Variants in CACNB1 observed in about 807,000 individuals in gnomAD.
CACNB1 encodes the protein calcium voltage-gated channel auxiliary subunit beta 1, also known as voltage-dependent L-type calcium channel subunit beta-1.
A neutral mutation model predicts 71.6 loss-of-function variants in CACNB1; 29 were observed. The observed-to-expected ratio is 0.40, with a 90% CI of 0.30 to 0.55. The LOEUF (loss-of-function observed/expected upper bound fraction) is 0.55, where lower values mean the gene tolerates loss of function less well. Among genes scored for constraint, CACNB1 ranks in the 20% least tolerant of loss-of-function variants. The pLI is 0.38. For missense variants in CACNB1, 623 were observed against 801.8 expected, an observed-to-expected ratio of 0.78 and a Z score of 2.69; for synonymous variants, 300 against 319.6, an observed-to-expected ratio of 0.94 and a Z score of 0.65.
At position 39,175,339 on chromosome 17, in the gene CACNB1, C is replaced by G. The variant is rs761198878; in HGVS notation, c.1651G>C (p.Glu551Gln). 2 of 1,614,186 alleles carry G rather than the reference C, an allele frequency of 1.2e-6. No homozygotes were observed. The highest frequency in any genetic ancestry group is 1.7e-6 in the Non-Finnish European group (2 of 1,180,030). ...PPARQGSWEDEEEDYEEELTD... is the reference protein window; with the variant it reads ...PPARQGSWEDQEEDYEEELTD... ...AGCTCTTCCTCATAGTCTTCTTCCT[C>G]GTCCTCCCAGGATCCCTGTCGGGCT... Residue 551 changes from glutamate to glutamine, a missense_variant, in exon 14 of 14, where the codon GAG becomes CAG. Glu to Gln is a conservative substitution (Grantham distance 29, BLOSUM62 2). Coordinates refer to ENST00000394303, the MANE Select transcript of CACNB1 (RefSeq NM_000723.5). This position sits in a 1 kb window ranked among gnomAD's most constrained non-coding sequence, Gnocchi z 4.7.
At position 39,186,777 on chromosome 17, in the gene CACNB1, T is replaced by C. The variant is rs1597705091; in HGVS notation, c.551+16A>G. The C allele has an allele frequency of 6.2e-7, 1 of 1,613,194 alleles. No homozygotes were observed. On this transcript the variant is annotated intron_variant, in intron 5 of 13. Coordinates refer to ENST00000394303, the MANE Select transcript of CACNB1 (RefSeq NM_000723.5). This position sits in a 1 kb window ranked among gnomAD's most constrained non-coding sequence, Gnocchi z 4.1. ...TGGGGTTGGCAGCATCCCCTTCCCC[T>C]GCCCCACCCAGACACCTGGAGCCGA...
At chr17:39,180,539 CA>C (rs1167071976) in intron 11 of CACNB1, among the ~76,000 whole-genome samples, 2 of 151,368 alleles carry the variant, frequency 1.3e-5, no homozygotes, top group African/African-American at 4.8e-5. Flanking sequence ...CCTGTAATAC[CA>C]GCTACTTGGG....
intron 1 of CACNB1, 51 bp downstream of exon 1, chr17:39,197,361 A>G: frequency 1.6e-6 from 2 of 1,283,576 alleles, no homozygotes; most frequent in Non-Finnish European, 1.0e-6. Context: ...CGACCTTAAC[A>G]CGGTCCGCGG....
chr17:39,182,973 C>T (rs2045815660), intron 11 of CACNB1: 1 of 983,934 alleles, frequency 1.0e-6, no homozygotes, highest in Admixed American at 6.2e-5. Context: ...TCCTCCACCT[C>T]AACTCTTCCT....
rs977309021 is a variant in CACNB1, at chr17:39,174,681, G to C, written c.*512C>G. The C allele has an allele frequency of 6.4e-6, 1 of 155,308 alleles. No homozygotes were observed. Among genetic ancestry groups the C allele is most frequent in the East Asian group, 1.9e-4 (1 of 5,284 alleles). The allele number at this position is 155,308 out of a possible 1,614,324, so 9.6% of individuals were successfully genotyped here. On this transcript the variant is annotated 3_prime_UTR_variant, in exon 14 of 14. Transcript: ENST00000394303. ...ATGCTATGGCTTTCACCGACCAGACGATGCTGCCAGGAAGCTGGGAGGAAG... is the reference window on the plus strand; with the variant it reads ...ATGCTATGGCTTTCACCGACCAGACCATGCTGCCAGGAAGCTGGGAGGAAG...
intron 3 of CACNB1, among the ~76,000 whole-genome samples, chr17:39,190,678 C>T (rs983347736): frequency 3.7e-4 from 56 of 151,562 alleles, no homozygotes; most frequent in African/African-American, 1.3e-3. Flanking sequence ...TCCGCCCAAC[C>T]GGGCCTCCCA....
intron 12 of CACNB1, among the ~76,000 whole-genome samples, chr17:39,177,756 G>T (rs569690626): frequency 6.6e-6 from 1 of 152,276 alleles, no homozygotes; most frequent in African/African-American, 2.4e-5. Flanking sequence ...TAGAGATAAG[G>T]CAACCAAGGC....
rs1222205313 is a variant in CACNB1, at chr17:39,175,644, G to A, written c.1346C>T (p.Ala449Val). The A allele has an allele frequency of 1.9e-6, 3 of 1,565,674 alleles. No homozygotes were observed. In the South Asian group the frequency reaches 3.6e-5, roughly 19 times the overall value. Residue 449 changes from alanine (A) to valine (V), a missense_variant, in exon 14 of 14, where the codon GCT (alanine) becomes GTT (valine). Physicochemically the swap from Ala to Val is moderately conservative, Grantham distance 64. Coordinates refer to ENST00000394303, the MANE Select transcript of CACNB1 (RefSeq NM_000723.5). This position sits in a 1 kb window ranked among gnomAD's most constrained non-coding sequence, Gnocchi z 4.7. ...PVSNLQGPYL[A>V]SGDQPLERAT... is the part of the protein sequence containing the mutation. ...CCGTTCCAGTGGCTGGTCCCCGGAAGCAAGGTAGGGTCCCTGGTTAGCAGA... is the reference window on the plus strand; with the variant it reads ...CCGTTCCAGTGGCTGGTCCCCGGAAACAAGGTAGGGTCCCTGGTTAGCAGA...
chr17:39,183,422 A>G (rs2045842844), intron 11 of CACNB1, among the ~76,000 whole-genome samples: 1 of 152,102 alleles, frequency 6.6e-6, no homozygotes, highest in Non-Finnish European at 1.5e-5. Context: ...AAAAGCACAG[A>G]ATTCTTTCAG....
chr17:39,175,264 C>G lies in CACNB1; in HGVS notation c.1726G>C (p.Gly576Arg). The change falls in exon 14 of 14, where the codon GGT becomes CGT. Residue 576 changes from glycine (G) to arginine (R), a missense_variant. Physicochemically the swap from Gly to Arg is moderately radical, Grantham distance 125. Coordinates refer to ENST00000394303, the MANE Select transcript of CACNB1 (RefSeq NM_000723.5). This position sits in a 1 kb window ranked among gnomAD's most constrained non-coding sequence, Gnocchi z 4.7. ...GRNKARYCAE[G>R]GGPVLGRNKN... ...TTGCGCCCCAAAACTGGACCCCCACCCTCAGCGCAGTAGCGGGCCTTATTC... is the reference window on the plus strand; with the variant it reads ...TTGCGCCCCAAAACTGGACCCCCACGCTCAGCGCAGTAGCGGGCCTTATTC... 6.2e-7 allele frequency: 1 copy of G among 1,614,206 alleles called. No individual in the cohort carries two copies. The highest frequency in any genetic ancestry group is 1.1e-5 in the South Asian group (1 of 91,090).
At chr17:39,187,036 G>T in intron 4 of CACNB1, 107 bp from the exon 5 acceptor site, 1 of 1,235,906 alleles carries the variant, frequency 8.1e-7, no homozygotes, top group Non-Finnish European at 1.1e-6. Context: ...CCAGCCCAGG[G>T]GTGGCACCCT....
At chr17:39,178,804 T>C (rs1329505570) in intron 11 of CACNB1, among the ~76,000 whole-genome samples, 1 of 152,218 alleles carries the variant, frequency 6.6e-6, no homozygotes, top group Non-Finnish European at 1.5e-5. Flanking sequence ...TCCTGTTAGA[T>C]AGCTGCTATT....
At position 39,186,925 on chromosome 17, in the gene CACNB1, T is replaced by C; in HGVS notation, c.419A>G (p.Tyr140Cys). 1 of 1,614,082 alleles carries C rather than the reference T, an allele frequency of 6.2e-7. No individual in the cohort carries two copies. The highest frequency in any genetic ancestry group is 8.5e-7 in the Non-Finnish European group (1 of 1,179,944). Reference protein sequence around the residue: ...PKDFLHIKEKYNNDWWIGRLV... With the variant: ...PKDFLHIKEKCNNDWWIGRLV... ...CCGCCCGATCCACCAGTCATTATTG[T>C]ATTTCTGCAAAGAATATGGCAGGTG... is the stretch of plus-strand genomic sequence containing the variant. Residue 140 changes from tyrosine (Y) to cysteine (C), a missense_variant, in exon 5 of 14, where the codon TAC (tyrosine) becomes TGC (cysteine). By Grantham distance (194) the Tyr-to-Cys change is radical. Coordinates refer to ENST00000394303, the MANE Select transcript of CACNB1 (RefSeq NM_000723.5). This position sits in a 1 kb window ranked among gnomAD's most constrained non-coding sequence, Gnocchi z 4.1.
intron 11 of CACNB1, among the ~76,000 whole-genome samples, chr17:39,179,309 C>A (rs1197860310): frequency 6.9e-6 from 1 of 145,812 alleles, no homozygotes; most frequent in Non-Finnish European, 1.5e-5. Flanking sequence ...AAAAAGAGGG[C>A]CGGGTGCAGT....
chr17:39,193,248 A>G (rs1447934911), intron 2 of CACNB1: 1 of 301,500 alleles, frequency 3.3e-6, no homozygotes, highest in South Asian at 2.5e-5. Flanking sequence ...ACAGGTGCAC[A>G]CAGACACACA....
chr17:39,176,620 T>G (rs796268951), intron 13 of CACNB1, among the ~76,000 whole-genome samples: 15 of 152,306 alleles, frequency 9.8e-5, no homozygotes, highest in African/African-American at 3.1e-4. Context: ...ACAAATGGGC[T>G]CTGTTGCTGA....
intron 10 of CACNB1, 81 bp from the exon 11 acceptor site, chr17:39,183,945 T>A: frequency 6.4e-7 from 1 of 1,559,960 alleles, no homozygotes; most frequent in Non-Finnish European, 8.8e-7. Context: ...CTTCTGGAGA[T>A]GGCCCTGCCC....
rs1371402058 is a variant in CACNB1 at position 39,197,466 on chromosome 17, GC to G, written c.29del (p.Gly10AlafsTer72). On this transcript the variant is annotated frameshift_variant, in exon 1 of 14. Coordinates refer to ENST00000394303, the MANE Select transcript of CACNB1 (RefSeq NM_000723.5). LOFTEE classifies it high-confidence loss of function. ...GGATCTCCTGGGAGGGTGGGTAAGG[GC>G]CCCGGGACATGCTGGTCTTCTGGAC... is the stretch of plus-strand genomic sequence containing the variant. MVQKTSMSR[G>X]PYPPSQEIPM... 6.7e-7 allele frequency: 1 copy of G among 1,489,526 alleles called. No homozygotes were observed. Among genetic ancestry groups the G allele is most frequent in the East Asian group, 2.9e-5 (1 of 34,668 alleles). The allele number at this position is 1,489,526 out of a possible 1,614,324, so 92.3% of individuals were successfully genotyped here.
In CACNB1 at chr17:39,184,772, A is replaced by G; in HGVS notation, c.729+12T>C. ...GGCCCCTCTGCATCCACTCCCCTCT[A>G]GGAAGTCCTACCTCGTAGCCCTTGA... On this transcript the variant is annotated intron_variant, in intron 8 of 13. Transcript: ENST00000394303. 1 of 1,584,676 alleles carries G rather than the reference A, an allele frequency of 6.3e-7. No homozygotes were observed. The highest frequency in any genetic ancestry group is 8.7e-7 in the Non-Finnish European group (1 of 1,154,050).
Sources: gnomAD v4.1 joint callset for allele counts (sites outside exome capture counted in the v4.1 genomes callset) on GRCh38, gnomAD v4.1.1 for gene constraint, Gnocchi (gnomAD v3.1) non-coding constraint, MANE v1.5 for transcripts, NCBI Gene and HGNC (gene_info 2026-07-23, HGNC 2026-07-21) for gene names.